The following ST6GALNAC3 variants were observed in gnomAD, a reference collection of about 807,000 sequenced individuals.
The protein encoded by ST6GALNAC3 is ST6 N-acetylgalactosaminide alpha-2,6-sialyltransferase 3.
Under a neutral mutation model 32.7 loss-of-function variants are expected in ST6GALNAC3, and 25 were observed. The observed-to-expected ratio is 0.76, with a 90% CI of 0.56 to 1.07. The LOEUF (loss-of-function observed/expected upper bound fraction) is 1.07. ST6GALNAC3 is among the 50% of genes least tolerant of loss of function. The probability of loss-of-function intolerance (pLI) is 0.00; values close to 1 mark genes in which losing one functional copy is unlikely to be tolerated. For synonymous variants in ST6GALNAC3, 129 were observed against 133.1 expected (o/e 0.97, Z 0.21); for missense variants, 355 against 382.4 (o/e 0.93, Z 0.60).
At chr1:76,132,775 G>A (rs1649698500) in intron 1 of ST6GALNAC3, among the ~76,000 whole-genome samples, 1 of 152,190 alleles carries the variant, frequency 6.6e-6, no homozygotes, top group Non-Finnish European at 1.5e-5. Flanking sequence ...AAGGGACAAG[G>A]AAGTCTTCCA....
rs6695705 is a variant in ST6GALNAC3 at position 76,378,649 on chromosome 1, C to T, written c.214-33359C>T. On this transcript the variant is annotated intron_variant, in intron 2 of 4. Coordinates refer to ENST00000328299, the MANE Select transcript of ST6GALNAC3 (RefSeq NM_152996.4). Reference sequence around the variant, plus strand: ...TGCACTCCAGCCTGGGCAAGAAGAACGAAATTCCTTCCCCCCCCCAAAAAA... The same window carrying T: ...TGCACTCCAGCCTGGGCAAGAAGAATGAAATTCCTTCCCCCCCCCAAAAAA... Among the ~76,000 whole-genome samples, 588 of 142,740 alleles carry T rather than the reference C, an allele frequency of 4.1e-3. 2 individuals are homozygous for T. Among genetic ancestry groups the T allele is most frequent in the African/African-American group, 0.015 (574 of 38,120 alleles). The allele number at this position is 142,740 out of a possible 152,430, so 93.6% of individuals were successfully genotyped here. A position where few individuals can be genotyped will look rare whatever the true frequency, so the allele number is the denominator to read the frequency against.
At chr1:76,492,636 C>G (rs1433377770) in intron 3 of ST6GALNAC3, among the ~76,000 whole-genome samples, 1 of 152,072 alleles carries the variant, frequency 6.6e-6, no homozygotes, top group Non-Finnish European at 1.5e-5. Flanking sequence ...TGTAGATGCA[C>G]CAACCTAATT....
At chr1:76,189,586 A>AGCC (rs1557683750) in intron 1 of ST6GALNAC3, among the ~76,000 whole-genome samples, 21 of 151,934 alleles carry the variant, frequency 1.4e-4, no homozygotes, top group East Asian at 1.2e-3. Flanking sequence ...AAGAGATCAG[A>AGCC]AGCCAGCAAA....
At chr1:76,084,069 G>A (rs888198949) in intron 1 of ST6GALNAC3, among the ~76,000 whole-genome samples, 2 of 152,206 alleles carry the variant, frequency 1.3e-5, no homozygotes, top group Non-Finnish European at 2.9e-5. Context: ...GTGGCTAGTG[G>A]CTACTGTATT....
intron 2 of ST6GALNAC3, among the ~76,000 whole-genome samples, chr1:76,328,582 A>C (rs1647124941): frequency 6.6e-6 from 1 of 152,204 alleles, no homozygotes; most frequent in South Asian, 2.1e-4. Flanking sequence ...TATGTTTCAT[A>C]CCTGCTTGTA....
At chr1:76,471,336 T>TA (rs1659014739) in intron 3 of ST6GALNAC3, among the ~76,000 whole-genome samples, 1 of 152,148 alleles carries the variant, frequency 6.6e-6, no homozygotes, top group Non-Finnish European at 1.5e-5. Flanking sequence ...TTAAAGCACT[T>TA]ACTGTTTGTT....
chr1:76,275,109 T>C lies in ST6GALNAC3; in HGVS notation c.19-38696T>C, dbSNP rs552214184. Reference sequence around the variant, plus strand: ...CAGCTTCTCGGCTTTTGATAGATGTTCCTCTAGAAATGTTCATTGCTCAAA... The same window carrying C: ...CAGCTTCTCGGCTTTTGATAGATGTCCCTCTAGAAATGTTCATTGCTCAAA... On this transcript the variant is annotated intron_variant, in intron 1 of 4. Coordinates refer to ENST00000328299, the MANE Select transcript of ST6GALNAC3 (RefSeq NM_152996.4). Among the ~76,000 whole-genome samples the C allele has an allele frequency of 3.3e-5, 5 of 152,340 alleles. No homozygotes were observed. In the East Asian group the frequency reaches 9.6e-4, roughly 29 times the overall value.
At chr1:76,214,237 A>G (rs1655333902) in intron 1 of ST6GALNAC3, among the ~76,000 whole-genome samples, 1 of 152,174 alleles carries the variant, frequency 6.6e-6, no homozygotes, top group Admixed American at 6.5e-5. Context: ...AGAATACAAC[A>G]GCCACATGAG....
intron 3 of ST6GALNAC3, among the ~76,000 whole-genome samples, chr1:76,525,789 GTGTATATATA>G (rs1288767979): frequency 5.1e-5 from 3 of 58,920 alleles, no homozygotes; most frequent in South Asian, 9.6e-4. Context: ...GTGTGTGTGT[GTGTATATATA>G]TATATATATA....
intron 2 of ST6GALNAC3, among the ~76,000 whole-genome samples, chr1:76,401,343 T>C (rs1181564760): frequency 1.3e-5 from 2 of 152,202 alleles, no homozygotes; most frequent in Non-Finnish European, 2.9e-5. Context: ...TATTTATCAA[T>C]TATCGAATTT....
chr1:76,570,974 A>G (rs992498898), intron 3 of ST6GALNAC3, among the ~76,000 whole-genome samples: 4 of 152,050 alleles, frequency 2.6e-5, no homozygotes, highest in Non-Finnish European at 5.9e-5. Flanking sequence ...CTTTTAGACA[A>G]CTAAAACCTC....
chr1:76,575,567 G>A (rs928150018), intron 3 of ST6GALNAC3, among the ~76,000 whole-genome samples: 5 of 152,072 alleles, frequency 3.3e-5, no homozygotes, highest in Non-Finnish European at 7.4e-5. Flanking sequence ...AGTAGTGAGC[G>A]CATTAAGATT....
intron 3 of ST6GALNAC3, among the ~76,000 whole-genome samples, chr1:76,555,469 G>A (rs1481458777): frequency 6.6e-6 from 1 of 152,006 alleles, no homozygotes; most frequent in Non-Finnish European, 1.5e-5. Context: ...GAGTGCATGA[G>A]GACAAATCAA....
chr1:76,185,065 T>G (rs1040923478), intron 1 of ST6GALNAC3, among the ~76,000 whole-genome samples: 1 of 152,178 alleles, frequency 6.6e-6, no homozygotes, highest in Non-Finnish European at 1.5e-5. Context: ...CCATATTGCT[T>G]TCTTCCTTTT....
chr1:76,496,001 C>T (rs1210451508), intron 3 of ST6GALNAC3, among the ~76,000 whole-genome samples: 2 of 152,128 alleles, frequency 1.3e-5, no homozygotes, highest in African/African-American at 2.4e-5. Flanking sequence ...TCATTTGAAA[C>T]TTAGCATGTT....
At chr1:76,538,547 T>C (rs1663777800) in intron 3 of ST6GALNAC3, among the ~76,000 whole-genome samples, 1 of 151,966 alleles carries the variant, frequency 6.6e-6, no homozygotes, top group African/African-American at 2.4e-5. Flanking sequence ...AGGAAATAAA[T>C]CATATTCAAA....
intron 3 of ST6GALNAC3, among the ~76,000 whole-genome samples, chr1:76,627,238 G>T (rs1649022693): frequency 6.6e-6 from 1 of 151,966 alleles, no homozygotes; most frequent in Non-Finnish European, 1.5e-5. Context: ...TGAGGCTTAA[G>T]GTAGTAAGAG....
chr1:76,439,190 T>C (rs531223571), intron 3 of ST6GALNAC3, among the ~76,000 whole-genome samples: 1 of 152,312 alleles, frequency 6.6e-6, no homozygotes, highest in South Asian at 2.1e-4. Flanking sequence ...TTGTCCAGGA[T>C]AAGTGATCTC....
At chr1:76,296,551 C>T (rs1394795978) in intron 1 of ST6GALNAC3, among the ~76,000 whole-genome samples, 1 of 152,072 alleles carries the variant, frequency 6.6e-6, no homozygotes, top group Non-Finnish European at 1.5e-5. Flanking sequence ...ATTCAATTCT[C>T]TCTTTGTTTT....
Sources: gnomAD v4.1 joint callset for allele counts (sites outside exome capture counted in the v4.1 genomes callset) on GRCh38, gnomAD v4.1.1 for gene constraint, MANE v1.5 for transcripts, NCBI Gene and HGNC (gene_info 2026-07-23, HGNC 2026-07-21) for gene names.